The following KCNIP4 variants were observed in gnomAD, a reference collection of about 807,000 sequenced individuals.
KCNIP4 encodes the protein Kv channel-interacting protein 4.
KCNIP4 carries 12 observed loss-of-function variants against 34.0 expected under a neutral mutation model. The observed-to-expected ratio is 0.35, with a 90% CI of 0.23 to 0.57. The LOEUF is 0.57. Among genes scored for constraint, KCNIP4 ranks in the 20% least tolerant of loss-of-function variants. The pLI is 0.83. For synonymous variants in KCNIP4, 124 were observed against 102.2 expected (o/e 1.21, Z -1.29); for missense variants, 238 against 311.7 (o/e 0.76, Z 1.78).
chr4:21,554,641 C>T (rs930688153), intron 1 of KCNIP4, among the ~76,000 whole-genome samples: 1 of 152,016 alleles, frequency 6.6e-6, no homozygotes, highest in African/African-American at 2.4e-5. Flanking sequence ...GCCTGCATGC[C>T]CTTCCCCAGT....
intron 1 of KCNIP4, among the ~76,000 whole-genome samples, chr4:21,706,481 C>G (rs989656667): frequency 6.6e-6 from 1 of 152,020 alleles, no homozygotes; most frequent in Non-Finnish European, 1.5e-5. Context: ...AGACTCATTT[C>G]AAGATATATT....
At chr4:21,522,545 C>T (rs1417623012) in intron 1 of KCNIP4, among the ~76,000 whole-genome samples, 1 of 151,900 alleles carries the variant, frequency 6.6e-6, no homozygotes, top group African/African-American at 2.4e-5. Context: ...TTCTTTATGA[C>T]TAATCCTTTC....
At chr4:21,110,061 A>G (rs1749019794) in intron 1 of KCNIP4, among the ~76,000 whole-genome samples, 1 of 152,174 alleles carries the variant, frequency 6.6e-6, no homozygotes. Flanking sequence ...ACTATTAACT[A>G]TGTTGCTTGA....
At chr4:21,271,305 T>A (rs1762131838) in intron 1 of KCNIP4, among the ~76,000 whole-genome samples, 2 of 152,192 alleles carry the variant, frequency 1.3e-5, no homozygotes, top group Non-Finnish European at 2.9e-5. Context: ...ACTTTCCATG[T>A]GGAATGGAGA....
chr4:21,515,149 G>A (rs993171872), intron 1 of KCNIP4, among the ~76,000 whole-genome samples: 1 of 151,996 alleles, frequency 6.6e-6, no homozygotes, highest in African/African-American at 2.4e-5. Context: ...CTTAACCATC[G>A]CTTCCCTAGA....
chr4:21,094,541 A>G (rs1294950927), intron 1 of KCNIP4, among the ~76,000 whole-genome samples: 3 of 152,142 alleles, frequency 2.0e-5, no homozygotes, highest in Non-Finnish European at 4.4e-5. Flanking sequence ...GTCAATAAGA[A>G]TTGCCAGGGT....
intron 1 of KCNIP4, among the ~76,000 whole-genome samples, chr4:21,353,536 G>T (rs1336495669): frequency 6.6e-6 from 1 of 152,136 alleles, no homozygotes; most frequent in Admixed American, 6.5e-5. Context: ...TCAAGTGGAA[G>T]AAAGGATATC....
At chr4:20,825,005 A>G (rs1717557799) in intron 3 of KCNIP4, among the ~76,000 whole-genome samples, 1 of 152,114 alleles carries the variant, frequency 6.6e-6, no homozygotes, top group East Asian at 1.9e-4. Flanking sequence ...TTAAAGCAAA[A>G]TATAAGAGAA....
Position 20,732,735 on chromosome 4 carries a change from T to G in KCNIP4, c.588A>C (p.Thr196=). 6.2e-7 allele frequency: 1 copy of G among 1,613,092 alleles called. No homozygotes were observed. Among genetic ancestry groups the G allele is most frequent in the Non-Finnish European group, 8.5e-7 (1 of 1,179,256 alleles). ...GAGCATCTTCTTTGAGGACAGGATA[T>G]GTACATTTACCCATCATATCGTATA... ...KAIYDMMGKC[T]YPVLKEDAPR... Residue 196 remains threonine (T), a synonymous_variant, in exon 7 of 9, where the codon ACA becomes ACC. Coordinates refer to ENST00000382152, the MANE Select transcript of KCNIP4 (RefSeq NM_025221.6).
At chr4:20,937,187 A>G (rs1225394640) in intron 1 of KCNIP4, among the ~76,000 whole-genome samples, 1 of 142,202 alleles carries the variant, frequency 7.0e-6, no homozygotes, top group African/African-American at 2.6e-5. Context: ...ATAAACACAT[A>G]CTTAGGGCAT....
rs547453456 is a variant in KCNIP4 at position 21,596,344 on chromosome 4, C to T, written c.61+352227G>A. ...TTTTATTAATGCTTCTTGTAACATACGAATAAACACATTTATATATATGTT... is the reference window on the plus strand; with the variant it reads ...TTTTATTAATGCTTCTTGTAACATATGAATAAACACATTTATATATATGTT... On this transcript the variant is annotated intron_variant, in intron 1 of 8. Coordinates refer to ENST00000382152, the MANE Select transcript of KCNIP4 (RefSeq NM_025221.6). Among the ~76,000 whole-genome samples the T allele has an allele frequency of 3.0e-3, 452 of 152,150 alleles. 2 individuals are homozygous for T. The highest frequency in any genetic ancestry group is 0.01 in the African/African-American group (434 of 41,532).
chr4:20,802,791 T>C (rs1240867913), intron 3 of KCNIP4, among the ~76,000 whole-genome samples: 3 of 152,164 alleles, frequency 2.0e-5, no homozygotes, highest in African/African-American at 7.2e-5. Context: ...AAAAATATCT[T>C]GAAGCCGAGC....
intron 1 of KCNIP4, among the ~76,000 whole-genome samples, chr4:20,932,633 T>G (rs914533042): frequency 1.3e-5 from 2 of 152,162 alleles, no homozygotes; most frequent in African/African-American, 4.8e-5. Flanking sequence ...AGTAACCATT[T>G]TACTATCTGT....
chr4:21,389,642 T>C (rs927024955), intron 1 of KCNIP4, among the ~76,000 whole-genome samples: 4 of 151,938 alleles, frequency 2.6e-5, no homozygotes, highest in African/African-American at 4.8e-5. Context: ...CATCCTTTTT[T>C]ATGGCTGCAT....
chr4:21,472,759 T>G (rs1730579212), intron 1 of KCNIP4, among the ~76,000 whole-genome samples: 2 of 152,180 alleles, frequency 1.3e-5, no homozygotes, highest in Admixed American at 1.3e-4. Flanking sequence ...AATCCTTGGT[T>G]TTTCTCTAAT....
At chr4:21,093,887 C>A (rs991898001) in intron 1 of KCNIP4, among the ~76,000 whole-genome samples, 6 of 152,088 alleles carry the variant, frequency 3.9e-5, no homozygotes, top group African/African-American at 1.2e-4. Flanking sequence ...TCGAGACCAT[C>A]CTGACTAACA....
At chr4:21,676,699 TA>T in intron 1 of KCNIP4, among the ~76,000 whole-genome samples, 1 of 152,344 alleles carries the variant, frequency 6.6e-6, no homozygotes, top group African/African-American at 2.4e-5. Context: ...CTGTTATTCC[TA>T]TATTGGAGTG....
At chr4:21,346,707 A>C (rs1480040834) in intron 1 of KCNIP4, among the ~76,000 whole-genome samples, 1 of 152,162 alleles carries the variant, frequency 6.6e-6, no homozygotes, top group Admixed American at 6.6e-5. Flanking sequence ...TCTTGTTAAA[A>C]CATGGATTCT....
intron 1 of KCNIP4, among the ~76,000 whole-genome samples, chr4:21,424,299 A>T (rs181038455): frequency 1.3e-5 from 2 of 151,298 alleles, no homozygotes; most frequent in East Asian, 2.0e-4. Flanking sequence ...TTGGCTGGGC[A>T]TGGTGGCTCA....
Sources: allele counts gnomAD v4.1 joint callset (sites outside exome capture counted in the v4.1 genomes callset), GRCh38; gene constraint gnomAD v4.1.1; transcripts MANE v1.5; gene names NCBI Gene and HGNC (gene_info 2026-07-23, HGNC 2026-07-21).